Variants in DPYD observed in about 807,000 individuals in gnomAD.
DPYD encodes dihydropyrimidine dehydrogenase, also known as dihydropyrimidine dehydrogenase [NADP(+)].
In DPYD, 109 loss-of-function variants were observed where a neutral mutation model predicts 116.2. The observed-to-expected ratio is 0.94, with a 90% CI of 0.80 to 1.10. The LOEUF (loss-of-function observed/expected upper bound fraction) is 1.10. DPYD is among the 50% of genes least tolerant of loss of function. DPYD has a pLI of 0.00. For missense variants in DPYD, 1,302 were observed against 1,254.5 expected, an observed-to-expected ratio of 1.04 and a Z score of -0.57; for synonymous variants, 440 against 432.0, an observed-to-expected ratio of 1.02 and a Z score of -0.23.
At chr1:97,514,100 C>G (rs191848648) in intron 13 of DPYD, 1 of 718,186 alleles carries the variant, frequency 1.4e-6, no homozygotes, top group East Asian at 1.4e-4. Flanking sequence ...CATAACTCCC[C>G]TTTTGAACCA....
chr1:97,777,682 A>G (rs1218638658), intron 3 of DPYD, among the ~76,000 whole-genome samples: 1 of 152,174 alleles, frequency 6.6e-6, no homozygotes, highest in Non-Finnish European at 1.5e-5. Flanking sequence ...CTCCATGCAC[A>G]TAATATTGGT....
At chr1:97,096,449 A>C (rs1412554381) in intron 21 of DPYD, among the ~76,000 whole-genome samples, 1 of 152,160 alleles carries the variant, frequency 6.6e-6, no homozygotes, top group Non-Finnish European at 1.5e-5. Flanking sequence ...ATTCAAATTG[A>C]TTAAGAAGAG....
chr1:97,915,895 T>C (rs760491888), intron 1 of DPYD, among the ~76,000 whole-genome samples: 1 of 152,278 alleles, frequency 6.6e-6, no homozygotes. Flanking sequence ...TCATGATATT[T>C]TACGACAATC....
intron 13 of DPYD, among the ~76,000 whole-genome samples, chr1:97,470,095 T>C (rs1269591569): frequency 2.0e-5 from 3 of 152,204 alleles, no homozygotes; most frequent in Admixed American, 1.3e-4. Context: ...GATTAAGAGA[T>C]ACAGGTATAT....
At chr1:97,865,512 CTTGTT>C (rs1402326771) in intron 2 of DPYD, among the ~76,000 whole-genome samples, 1 of 151,912 alleles carries the variant, frequency 6.6e-6, no homozygotes, top group Non-Finnish European at 1.5e-5. Context: ...CTTATTGCAT[CTTGTT>C]CTGTTCCTTC....
intron 8 of DPYD, among the ~76,000 whole-genome samples, chr1:97,627,066 T>G (rs1003834284): frequency 2.0e-5 from 3 of 152,004 alleles, no homozygotes; most frequent in African/African-American, 7.2e-5. Context: ...CCCAGCTCCT[T>G]GAGGCTCCTT....
chr1:97,703,695 A>G (rs1338693844), intron 5 of DPYD, among the ~76,000 whole-genome samples: 1 of 152,070 alleles, frequency 6.6e-6, no homozygotes, highest in African/African-American at 2.4e-5. Context: ...CTAGTGGATA[A>G]TACATCGAAC....
chr1:97,736,180 C>A (rs1043838657), intron 4 of DPYD, among the ~76,000 whole-genome samples: 6 of 151,824 alleles, frequency 4.0e-5, no homozygotes, highest in East Asian at 1.9e-4. Context: ...TAAAACAGCA[C>A]CCCAAAGGCA....
intron 13 of DPYD, among the ~76,000 whole-genome samples, chr1:97,502,258 C>A (rs1429673460): frequency 6.6e-6 from 1 of 152,078 alleles, no homozygotes; most frequent in Admixed American, 6.6e-5. Flanking sequence ...AAGTATAAAA[C>A]CACTATGACA....
intron 3 of DPYD, among the ~76,000 whole-genome samples, chr1:97,776,471 G>T (rs1666412598): frequency 6.6e-6 from 1 of 152,134 alleles, no homozygotes; most frequent in Non-Finnish European, 1.5e-5. Flanking sequence ...TGCTACCAGG[G>T]TTCATCTGTA....
chr1:97,399,420 G>A (rs1178395270), intron 14 of DPYD, among the ~76,000 whole-genome samples: 1 of 152,152 alleles, frequency 6.6e-6, no homozygotes, highest in Non-Finnish European at 1.5e-5. Flanking sequence ...GGATTGACTT[G>A]GCAATGTGGG....
At chr1:97,314,490 C>CTTTTTTTTTTTT in intron 16 of DPYD, among the ~76,000 whole-genome samples, 1 of 123,412 alleles carries the variant, frequency 8.1e-6, no homozygotes, top group Non-Finnish European at 1.6e-5. Flanking sequence ...CTAAAGCTTT[C>CTTTTTTTTTTTT]TTTTTTTTTT....
intron 4 of DPYD, among the ~76,000 whole-genome samples, chr1:97,732,799 C>T (rs114550535): frequency 0.012 from 1,854 of 151,972 alleles, 36 homozygotes; most frequent in African/African-American, 0.042. Context: ...ATGAATGAGT[C>T]AAGGTGGGCA....
intron 16 of DPYD, among the ~76,000 whole-genome samples, chr1:97,313,482 T>C (rs1189393964): frequency 2.9e-5 from 4 of 137,004 alleles, no homozygotes; most frequent in African/African-American, 1.1e-4. Context: ...ATACCTGGAA[T>C]GTGTACATGT....
At chr1:97,100,792 A>G (rs1650623613) in intron 20 of DPYD, among the ~76,000 whole-genome samples, 1 of 152,124 alleles carries the variant, frequency 6.6e-6, no homozygotes, top group African/African-American at 2.4e-5. Flanking sequence ...AACAATGGTA[A>G]TAAGAACAAT....
intron 1 of DPYD, among the ~76,000 whole-genome samples, chr1:97,903,402 C>A (rs914260817): frequency 4.6e-5 from 7 of 151,734 alleles, no homozygotes; most frequent in African/African-American, 1.7e-4. Flanking sequence ...TTTTTAGAAA[C>A]GTATGTAAAT....
chr1:97,645,177 C>A (rs1459913562), intron 8 of DPYD, among the ~76,000 whole-genome samples: 4 of 151,984 alleles, frequency 2.6e-5, no homozygotes, highest in African/African-American at 9.7e-5. Context: ...AACAGTAGTG[C>A]AGTTAATAAG....
At chr1:97,238,775 C>G (rs1662123155) in intron 18 of DPYD, among the ~76,000 whole-genome samples, 1 of 152,150 alleles carries the variant, frequency 6.6e-6, no homozygotes. Context: ...AAGGAAACAA[C>G]AAGGTTTAAA....
chr1:97,848,081 T>C (rs1014606278), intron 2 of DPYD, among the ~76,000 whole-genome samples: 1 of 152,190 alleles, frequency 6.6e-6, no homozygotes, highest in Non-Finnish European at 1.5e-5. Context: ...TATACCCCTC[T>C]AACGAACAAG....
Sources: allele counts gnomAD v4.1 joint callset (sites outside exome capture counted in the v4.1 genomes callset), GRCh38; gene constraint gnomAD v4.1.1; transcripts MANE v1.5; gene names NCBI Gene and HGNC (gene_info 2026-07-23, HGNC 2026-07-21).